TMEM245: variants seen among roughly 807,000 people sequenced by gnomAD.
TMEM245 encodes the protein protein CG-2.
A neutral mutation model predicts 101.2 loss-of-function variants in TMEM245; 69 were observed. That is an observed-to-expected ratio of 0.68 (90% CI 0.56 to 0.83). TMEM245 has a LOEUF of 0.83. Among genes scored for constraint, TMEM245 ranks in the 40% least tolerant of loss-of-function variants. TMEM245 has a pLI of 0.00. For synonymous variants in TMEM245, 537 were observed against 449.8 expected, an observed-to-expected ratio of 1.19 and a Z score of -2.45; for missense variants, 1,075 against 1,092.8, an observed-to-expected ratio of 0.98 and a Z score of 0.23.
At chr9:109,022,648 C>T (rs1047635140) in intron 17 of TMEM245, among the ~76,000 whole-genome samples, 6 of 152,164 alleles carry the variant, frequency 3.9e-5, no homozygotes, top group Non-Finnish European at 4.4e-5. Context: ...ATCACCCCCA[C>T]ACTCCTGTCA....
intron 8 of TMEM245, 54 bp from the exon 9 acceptor site, chr9:109,073,492 A>T: frequency 7.4e-7 from 1 of 1,351,224 alleles, no homozygotes; most frequent in Non-Finnish European, 1.0e-6. Context: ...AACCCAATTT[A>T]ACATTTATTT....
chr9:109,048,623 G>C (rs1435696809), intron 14 of TMEM245, among the ~76,000 whole-genome samples: 1 of 152,188 alleles, frequency 6.6e-6, no homozygotes, highest in Non-Finnish European at 1.5e-5. Context: ...GTATTCATAA[G>C]AAGTAAAAAT....
rs1385707366 is a variant in TMEM245 at position 109,055,674 on chromosome 9, A to AAC, written c.1854+1516_1854+1517insGT. ...TTTAAGATGGAGTTTCGCTCTTGTT[A>AAC]CCCAGGCTGGAGCTCAGTGGCGCAA... On this transcript the variant is annotated intron_variant, in intron 12 of 17. Coordinates refer to ENST00000374586, the MANE Select transcript of TMEM245 (RefSeq NM_032012.4). 2.7e-5 allele frequency among the ~76,000 whole-genome samples: 4 copies of AAC among 148,712 alleles called. No homozygotes were observed. In the East Asian group the frequency reaches 5.9e-4, roughly 22 times the overall value.
chr9:109,087,140 A>G (rs777729232), intron 6 of TMEM245, 33 bp downstream of exon 6: 1 of 1,572,606 alleles, frequency 6.4e-7, no homozygotes, highest in South Asian at 1.2e-5. Flanking sequence ...TATTAACTCC[A>G]TTAAGACAGC....
At chr9:109,104,587 A>C (rs945172903) in intron 3 of TMEM245, among the ~76,000 whole-genome samples, 2 of 152,240 alleles carry the variant, frequency 1.3e-5, no homozygotes, top group African/African-American at 4.8e-5. Context: ...CAAAATAGTC[A>C]AAACAATTTT....
At chr9:109,040,979 C>T (rs144955932) in intron 14 of TMEM245, among the ~76,000 whole-genome samples, 14 of 152,268 alleles carry the variant, frequency 9.2e-5, no homozygotes, top group African/African-American at 3.4e-4. Context: ...CTGGGTCATA[C>T]GGTATCTATT....
At chr9:109,058,087 G>A (rs946236480) in intron 11 of TMEM245, among the ~76,000 whole-genome samples, 5 of 148,730 alleles carry the variant, frequency 3.4e-5, no homozygotes, top group South Asian at 2.2e-4. Flanking sequence ...TGCAAACTCC[G>A]CCTCCCAGGT....
At chr9:109,064,839 T>C (rs928331321) in intron 9 of TMEM245, among the ~76,000 whole-genome samples, 6 of 152,210 alleles carry the variant, frequency 3.9e-5, no homozygotes, top group Non-Finnish European at 7.3e-5. Context: ...TGGAGTGCAA[T>C]GGCACGATCT....
At chr9:109,057,828 C>A (rs183271355) in intron 11 of TMEM245, among the ~76,000 whole-genome samples, 77 of 152,048 alleles carry the variant, frequency 5.1e-4, no homozygotes, top group Non-Finnish European at 9.9e-4. Context: ...ATTCTAGGTA[C>A]CTTGTCTAAG....
At chr9:109,099,783 C>G (rs1830237969) in intron 3 of TMEM245, among the ~76,000 whole-genome samples, 1 of 152,148 alleles carries the variant, frequency 6.6e-6, no homozygotes, top group East Asian at 1.9e-4. Flanking sequence ...TGCTCCAAAA[C>G]TTATGTTAAA....
At chr9:109,053,791 T>C (rs998971868) in intron 12 of TMEM245, among the ~76,000 whole-genome samples, 2 of 152,184 alleles carry the variant, frequency 1.3e-5, no homozygotes, top group African/African-American at 4.8e-5. Flanking sequence ...CGCAACAGTT[T>C]AGAAAAACAA....
intron 17 of TMEM245, among the ~76,000 whole-genome samples, chr9:109,023,834 T>C (rs931370498): frequency 7.3e-6 from 1 of 136,178 alleles, no homozygotes; most frequent in African/African-American, 2.8e-5. Context: ...AGACTCTGTT[T>C]CCAAAAAAAA....
At chr9:109,036,549 CTAAG>C (rs1359662951) in intron 15 of TMEM245, among the ~76,000 whole-genome samples, 169 bp from the exon 16 acceptor site, 5 of 152,126 alleles carry the variant, frequency 3.3e-5, no homozygotes, top group African/African-American at 1.2e-4. Context: ...AATTTTCTAG[CTAAG>C]TAAAGGCTCA....
chr9:109,069,999 T>G (rs1378486230), intron 9 of TMEM245, among the ~76,000 whole-genome samples: 1 of 152,226 alleles, frequency 6.6e-6, no homozygotes, highest in Non-Finnish European at 1.5e-5. Context: ...TCTCAAAACG[T>G]TCTCTTTCCT....
intron 3 of TMEM245, among the ~76,000 whole-genome samples, chr9:109,102,965 T>C (rs1162611078): frequency 6.6e-6 from 1 of 152,238 alleles, no homozygotes; most frequent in African/African-American, 2.4e-5. Flanking sequence ...TACTATATCC[T>C]GACAACCTCC....
intron 14 of TMEM245, among the ~76,000 whole-genome samples, chr9:109,048,398 A>G (rs953942606): frequency 1.3e-5 from 2 of 152,172 alleles, no homozygotes; most frequent in African/African-American, 4.8e-5. Context: ...CACAGTGAAA[A>G]AATATACCAA....
At chr9:109,091,712 T>C (rs958114659) in intron 4 of TMEM245, among the ~76,000 whole-genome samples, 3 of 152,102 alleles carry the variant, frequency 2.0e-5, no homozygotes, top group Non-Finnish European at 4.4e-5. Context: ...GATTTTCAAA[T>C]AAAGGAAACC....
intron 1 of TMEM245, among the ~76,000 whole-genome samples, chr9:109,112,968 C>T (rs537573370): frequency 1.7e-3 from 263 of 151,650 alleles, no homozygotes; most frequent in African/African-American, 6.1e-3. Flanking sequence ...CCCAGCCACT[C>T]GGGAGGCTGA....
At chr9:109,112,071 T>C (rs770918765) in intron 1 of TMEM245, among the ~76,000 whole-genome samples, 4 of 152,194 alleles carry the variant, frequency 2.6e-5, no homozygotes, top group Non-Finnish European at 5.9e-5. Context: ...AGGCCATTTA[T>C]AAAAACACTT....
Sources: allele counts gnomAD v4.1 joint callset (sites outside exome capture counted in the v4.1 genomes callset), GRCh38; gene constraint gnomAD v4.1.1; transcripts MANE v1.5; gene names NCBI Gene and HGNC (gene_info 2026-07-23, HGNC 2026-07-21).